The following DLG2 variants were observed in gnomAD, a reference collection of about 807,000 sequenced individuals.
DLG2 encodes discs large MAGUK scaffold protein 2.
DLG2 carries 45 observed loss-of-function variants against 132.5 expected under a neutral mutation model. That is an observed-to-expected ratio of 0.34 (90% CI 0.27 to 0.44). The LOEUF (loss-of-function observed/expected upper bound fraction) is 0.44. Among genes scored for constraint, DLG2 ranks in the 20% least tolerant of loss-of-function variants. DLG2 has a pLI of 1.00. For missense variants in DLG2, 1,045 were observed against 1,196.9 expected, an observed-to-expected ratio of 0.87 and a Z score of 1.87; for synonymous variants, 424 against 419.6, an observed-to-expected ratio of 1.01 and a Z score of -0.13.
At chr11:84,484,380 A>G (rs1408167008) in intron 7 of DLG2, among the ~76,000 whole-genome samples, 1 of 152,174 alleles carries the variant, frequency 6.6e-6, no homozygotes, top group Admixed American at 6.5e-5. Flanking sequence ...CTCACTGTGG[A>G]CACAACGTTT....
In DLG2 at chr11:83,786,215, G is replaced by C. The variant is rs141698432; in HGVS notation, c.1825+475C>G. ...GTTTACAGTGATTTATTTCAAACAAGGGATATTGTAGGAGTAAAGGCAAAA... is the reference window on the plus strand; with the variant it reads ...GTTTACAGTGATTTATTTCAAACAACGGATATTGTAGGAGTAAAGGCAAAA... On this transcript the variant is annotated intron_variant, in intron 18 of 27. Coordinates refer to ENST00000376104, the MANE Select transcript of DLG2 (RefSeq NM_001142699.3). Among the ~76,000 whole-genome samples the C allele has an allele frequency of 1.1e-3, 171 of 152,184 alleles. 1 individual carries two copies. In the East Asian group the frequency reaches 0.027, roughly 24 times the overall value.
intron 10 of DLG2, among the ~76,000 whole-genome samples, chr11:84,093,014 C>T (rs2097115634): frequency 1.4e-5 from 2 of 142,480 alleles, no homozygotes; most frequent in Non-Finnish European, 3.0e-5. Context: ...CCAGCCTGGG[C>T]GACAGAGTGA....
intron 3 of DLG2, among the ~76,000 whole-genome samples, chr11:85,346,636 C>T (rs999433274): frequency 1.3e-5 from 2 of 152,080 alleles, no homozygotes; most frequent in Non-Finnish European, 1.5e-5. Context: ...TTCCCTTAAC[C>T]GTAAACATCT....
At chr11:84,737,569 A>G (rs1417120335) in intron 6 of DLG2, among the ~76,000 whole-genome samples, 1 of 151,916 alleles carries the variant, frequency 6.6e-6, no homozygotes, top group South Asian at 2.1e-4. Flanking sequence ...AGGTTTATGT[A>G]AAGTATTTAA....
intron 19 of DLG2, among the ~76,000 whole-genome samples, chr11:83,559,867 G>A (rs1037741626): frequency 6.6e-6 from 1 of 152,158 alleles, no homozygotes; most frequent in African/African-American, 2.4e-5. Flanking sequence ...GGCAGATAAG[G>A]GTACTGGAAG....
intron 6 of DLG2, among the ~76,000 whole-genome samples, chr11:84,967,464 G>A (rs561575929): frequency 1.7e-3 from 258 of 152,212 alleles, no homozygotes; most frequent in Non-Finnish European, 3.0e-3. Context: ...TCTCAAGCAG[G>A]ATGCTCACCA....
At chr11:84,641,037 C>A (rs1319494457) in intron 6 of DLG2, among the ~76,000 whole-genome samples, 3 of 151,702 alleles carry the variant, frequency 2.0e-5, no homozygotes, top group African/African-American at 7.3e-5. Flanking sequence ...TACTTCTGAT[C>A]ACTTTTCCCT....
intron 6 of DLG2, among the ~76,000 whole-genome samples, chr11:84,697,217 C>A (rs1277441316): frequency 6.6e-6 from 1 of 151,432 alleles, no homozygotes. Context: ...GGAAAAGGAA[C>A]ATAGTACTGT....
At chr11:84,867,861 TCAGGAGATGGAGAC>T (rs1408224428) in intron 6 of DLG2, among the ~76,000 whole-genome samples, 1 of 152,028 alleles carries the variant, frequency 6.6e-6, no homozygotes, top group Non-Finnish European at 1.5e-5. Context: ...GATCACGAAG[TCAGGAGATGGAGAC>T]CATCCTGGCC....
rs188935871 is a variant in DLG2 at position 85,336,846 on chromosome 11, G to T, written c.41-51481C>A. 4.6e-5 allele frequency among the ~76,000 whole-genome samples: 7 copies of T among 152,208 alleles called. No individual in the cohort carries two copies. In the East Asian group the frequency reaches 1.3e-3, roughly 29 times the overall value. On this transcript the variant is annotated intron_variant, in intron 3 of 27. Coordinates refer to ENST00000376104, the MANE Select transcript of DLG2 (RefSeq NM_001142699.3). The stretch of plus-strand genomic sequence containing the variant: ...TTTAACTTTAACCCACTATTTAATG[G>T]AAAAAATTAACCATCAATCCATTTT...
intron 24 of DLG2, among the ~76,000 whole-genome samples, chr11:83,470,037 T>G (rs2091817258): frequency 1.3e-5 from 2 of 152,116 alleles, no homozygotes; most frequent in Non-Finnish European, 2.9e-5. Context: ...TGTTAAAATA[T>G]TTTTAATCTT....
At chr11:84,095,234 G>A (rs1319571249) in intron 10 of DLG2, among the ~76,000 whole-genome samples, 1 of 151,938 alleles carries the variant, frequency 6.6e-6, no homozygotes, top group Non-Finnish European at 1.5e-5. Context: ...GGGAAGGTAA[G>A]GAGAAAGGGG....
At chr11:83,760,524 TTTG>T (rs1242688512) in intron 18 of DLG2, among the ~76,000 whole-genome samples, 3 of 152,070 alleles carry the variant, frequency 2.0e-5, no homozygotes, top group Admixed American at 1.3e-4. Flanking sequence ...CCGGCTAATT[TTTG>T]TTATTTTTAG....
intron 9 of DLG2, among the ~76,000 whole-genome samples, chr11:84,138,243 T>C (rs1259753630): frequency 6.6e-6 from 1 of 152,178 alleles, no homozygotes; most frequent in Non-Finnish European, 1.5e-5. Flanking sequence ...GGTAAGGTAA[T>C]ACAATGGATG....
intron 8 of DLG2, among the ~76,000 whole-genome samples, chr11:84,249,376 G>A (rs1031237149): frequency 1.3e-5 from 2 of 152,144 alleles, no homozygotes; most frequent in Non-Finnish European, 2.9e-5. Context: ...CAAGCTGACA[G>A]GCAGAAAACA....
At chr11:85,576,555 G>A (rs1467913735) in intron 3 of DLG2, among the ~76,000 whole-genome samples, 1 of 152,050 alleles carries the variant, frequency 6.6e-6, no homozygotes, top group Non-Finnish European at 1.5e-5. Context: ...AAAAGAAAAA[G>A]CAAAAACAAA....
chr11:84,445,867 G>T (rs2099032687), intron 7 of DLG2, among the ~76,000 whole-genome samples: 1 of 135,974 alleles, frequency 7.4e-6, no homozygotes, highest in African/African-American at 2.8e-5. Flanking sequence ...AGTGAGCCGA[G>T]ATGGTGTCAC....
intron 6 of DLG2, among the ~76,000 whole-genome samples, chr11:84,906,167 G>A (rs1287286382): frequency 6.7e-6 from 1 of 148,990 alleles, no homozygotes; most frequent in Non-Finnish European, 1.5e-5. Flanking sequence ...GAACAACAGA[G>A]TTAAGTTCCC....
rs914364388 is a variant in DLG2, at chr11:85,061,045, A to T, written c.357+50616T>A. The stretch of plus-strand genomic sequence containing the variant: ...GGCCATTTGTATGCCTTCTATGGAG[A>T]AATGTCTACTCAAATCCTTTGTCCA... On this transcript the variant is annotated intron_variant, in intron 6 of 27. Transcript: ENST00000376104. Among the ~76,000 whole-genome samples the T allele has an allele frequency of 4.6e-5, 7 of 151,512 alleles. 1 individual carries two copies. Among genetic ancestry groups the T allele is most frequent in the South Asian group, 4.2e-4 (2 of 4,818 alleles).
Sources: allele counts gnomAD v4.1 joint callset (sites outside exome capture counted in the v4.1 genomes callset), GRCh38; gene constraint gnomAD v4.1.1; transcripts MANE v1.5; gene names NCBI Gene and HGNC (gene_info 2026-07-23, HGNC 2026-07-21).